SAMSN1: variants seen among roughly 807,000 people sequenced by gnomAD.
The protein encoded by SAMSN1 is SAM domain-containing protein SAMSN-1.
A neutral mutation model predicts 42.0 loss-of-function variants in SAMSN1; 31 were observed. The observed-to-expected ratio is 0.74, with a 90% CI of 0.55 to 1.00. The LOEUF (loss-of-function observed/expected upper bound fraction) is 1.00. SAMSN1 is among the 50% of genes least tolerant of loss of function. SAMSN1 has a pLI of 0.00. For synonymous variants in SAMSN1, 178 were observed against 151.9 expected (o/e 1.17, Z -1.26); for missense variants, 464 against 439.4 (o/e 1.06, Z -0.50).
intron 4 of SAMSN1, among the ~76,000 whole-genome samples, chr21:14,610,372 T>C (rs1982672468): frequency 6.6e-6 from 1 of 152,138 alleles, no homozygotes; most frequent in Non-Finnish European, 1.5e-5. Flanking sequence ...GATTAGGAAA[T>C]TCCAGCCTGG....
At position 14,564,622 on chromosome 21, in the gene SAMSN1, C is replaced by T. The variant is rs897926088; in HGVS notation, c.261+17514G>A. On this transcript the variant is annotated intron_variant, in intron 2 of 8. Coordinates refer to the SAMSN1 transcript ENST00000285670. ...GTGGAGAAAGATGATAAGCCAAAAG[C>T]AACTCCATGCATTTCTTTAGCAGTT... Among the ~76,000 whole-genome samples, 5 of 152,296 alleles carry T rather than the reference C, an allele frequency of 3.3e-5. No individual in the cohort carries two copies. The South Asian group carries it at 1.0e-3, about 32-fold the overall frequency.
At chr21:14,651,233 A>G (rs1599165) in intron 1 of SAMSN1, among the ~76,000 whole-genome samples, 24 of 151,914 alleles carry the variant, frequency 1.6e-4, no homozygotes, top group East Asian at 9.6e-4. Flanking sequence ...CAAAAAAAAA[A>G]GAAGACTACA....
chr21:14,577,265 TATATATATA>T (rs1981522893), intron 2 of SAMSN1, among the ~76,000 whole-genome samples: 1 of 52,924 alleles, frequency 1.9e-5, no homozygotes, highest in African/African-American at 1.1e-4. Flanking sequence ...TATATATATA[TATATATATA>T]TATATATATA....
rs548671034 is a variant in SAMSN1 at position 14,579,263 on chromosome 21, T to C, written c.261+2873A>G. Among the ~76,000 whole-genome samples the C allele has an allele frequency of 3.3e-5, 5 of 152,324 alleles. No homozygotes were observed. The South Asian group carries it at 1.0e-3, about 32-fold the overall frequency. ...CTTTTCTGTCACGAATGCTGAACAA[T>C]ATCATCTGAAATTCTGAGCATTCTG... On this transcript the variant is annotated intron_variant, in intron 2 of 8. Transcript: ENST00000285670.
chr21:14,599,880 C>G (rs905245633), intron 6 of SAMSN1, among the ~76,000 whole-genome samples: 1 of 152,074 alleles, frequency 6.6e-6, no homozygotes, highest in Non-Finnish European at 1.5e-5. Flanking sequence ...ATTATTGTTT[C>G]TTTATTTTGT....
Position 14,517,046 on chromosome 21 carries a change from T to C in SAMSN1, c.130-5A>G. ...TGTGGGATCTCCTTCATGTGCCTAGTTTAGAATTGTTTACAAAAGACAAAA... is the reference window on the plus strand; with the variant it reads ...TGTGGGATCTCCTTCATGTGCCTAGCTTAGAATTGTTTACAAAAGACAAAA... On this transcript the variant is annotated splice_region_variant and splice_polypyrimidine_tract_variant and intron_variant, in intron 2 of 7. Coordinates refer to ENST00000400566, the MANE Select transcript of SAMSN1 (RefSeq NM_022136.5). 1 of 1,597,676 alleles carries C rather than the reference T, an allele frequency of 6.3e-7. No homozygotes were observed. Among genetic ancestry groups the C allele is most frequent in the South Asian group, 1.1e-5 (1 of 87,868 alleles).
At chr21:14,512,649 T>C (rs1987738716) in intron 3 of SAMSN1, 76 bp from the exon 4 acceptor site, 1 of 1,360,960 alleles carries the variant, frequency 7.3e-7, no homozygotes, top group African/African-American at 1.6e-5. Flanking sequence ...ATTGATTTAA[T>C]AGACACATAT....
chr21:14,551,025 T>C (rs1980577904), upstream of SAMSN1, among the ~76,000 whole-genome samples: 3 of 152,108 alleles, frequency 2.0e-5, no homozygotes, highest in South Asian at 6.2e-4. Flanking sequence ...GGACATCAAG[T>C]ACCTGGAATC....
chr21:14,553,058 G>T (rs562719283), intron 2 of SAMSN1, among the ~76,000 whole-genome samples: 1 of 151,326 alleles, frequency 6.6e-6, no homozygotes, highest in South Asian at 2.1e-4. Flanking sequence ...AAAAAAAAAT[G>T]TTTCTAGTTG....
intron 4 of SAMSN1, among the ~76,000 whole-genome samples, chr21:14,611,687 G>A (rs1049195222): frequency 7.9e-5 from 12 of 152,122 alleles, no homozygotes; most frequent in African/African-American, 2.7e-4. Flanking sequence ...ATTTAACAAC[G>A]AGTGACTGCA....
intron 5 of SAMSN1, among the ~76,000 whole-genome samples, chr21:14,605,349 A>G (rs1012568834): frequency 6.6e-6 from 1 of 152,230 alleles, no homozygotes; most frequent in Non-Finnish European, 1.5e-5. Context: ...CCCTTTCCTC[A>G]GGGAGTTTAT....
At chr21:14,541,619 G>A (rs980576315) in intron 1 of SAMSN1, among the ~76,000 whole-genome samples, 4 of 152,128 alleles carry the variant, frequency 2.6e-5, no homozygotes, top group African/African-American at 9.7e-5. Flanking sequence ...TGTGGCCCAG[G>A]AAGGCCAAAA....
At chr21:14,633,911 G>T (rs1256338726) in intron 2 of SAMSN1, among the ~76,000 whole-genome samples, 2 of 152,218 alleles carry the variant, frequency 1.3e-5, no homozygotes, top group Non-Finnish European at 2.9e-5. Context: ...TTAAAACTAT[G>T]CTTGAATCTG....
At chr21:14,572,411 A>G (rs1475039421) in intron 2 of SAMSN1, among the ~76,000 whole-genome samples, 1 of 152,154 alleles carries the variant, frequency 6.6e-6, no homozygotes, top group Non-Finnish European at 1.5e-5. Context: ...TGACTCACGG[A>G]GTTTCCACCA....
intron 2 of SAMSN1, among the ~76,000 whole-genome samples, chr21:14,571,940 A>G (rs2123220769): frequency 6.6e-6 from 1 of 152,308 alleles, no homozygotes; most frequent in African/African-American, 2.4e-5. Context: ...AATTGGGCAA[A>G]CTATATGAAA....
At chr21:14,593,921 A>G in intron 7 of SAMSN1, 1 of 673,814 alleles carries the variant, frequency 1.5e-6, no homozygotes, top group Non-Finnish European at 2.7e-6. Context: ...AGTAATAAAG[A>G]ACTATAGAAA....
upstream of SAMSN1, among the ~76,000 whole-genome samples, chr21:14,547,011 CAGTT>C (rs1334588354): frequency 2.0e-5 from 3 of 151,988 alleles, no homozygotes; most frequent in Non-Finnish European, 2.9e-5. Context: ...TAAATAAACA[CAGTT>C]AGAAGATAAA....
rs183131735 is a variant in SAMSN1 at position 14,622,440 on chromosome 21, G to A, written c.157-6424C>T. On this transcript the variant is annotated intron_variant, in intron 2 of 15. Transcript: ENST00000647101. ...AGAAGTCCTTAAATGACCTGATGGA[G>A]CTGAAAACCATGGTACAAGAACTAC... 3.9e-4 allele frequency among the ~76,000 whole-genome samples: 59 copies of A among 152,312 alleles called. 1 individual carries two copies. The highest frequency in any genetic ancestry group is 3.4e-3 in the Middle Eastern group (1 of 294).
intron 2 of SAMSN1, among the ~76,000 whole-genome samples, chr21:14,576,657 T>A (rs1600939701): frequency 8.9e-6 from 1 of 112,352 alleles, no homozygotes; most frequent in Admixed American, 7.7e-5. Context: ...AATTTTTCCA[T>A]CATCCACACG....
Sources: allele counts gnomAD v4.1 joint callset (sites outside exome capture counted in the v4.1 genomes callset), GRCh38; gene constraint gnomAD v4.1.1; transcripts MANE v1.5; gene names NCBI Gene and HGNC (gene_info 2026-07-23, HGNC 2026-07-21).